SPTLC3: variants seen among roughly 807,000 people sequenced by gnomAD.
SPTLC3 encodes serine palmitoyltransferase long chain base subunit 3.
Under a neutral mutation model 59.3 loss-of-function variants are expected in SPTLC3, and 36 were observed. The observed-to-expected ratio is 0.61, with a 90% confidence interval of 0.47 to 0.80. The LOEUF is 0.80. Among genes scored for constraint, SPTLC3 ranks in the 30% least tolerant of loss-of-function variants. SPTLC3 has a pLI of 0.00. For synonymous variants in SPTLC3, 257 were observed against 240.8 expected, an observed-to-expected ratio of 1.07 and a Z score of -0.62; for missense variants, 625 against 685.1, an observed-to-expected ratio of 0.91 and a Z score of 0.98.
chr20:13,140,888 A>G (rs1486973409), intron 9 of SPTLC3, among the ~76,000 whole-genome samples: 3 of 152,228 alleles, frequency 2.0e-5, no homozygotes, highest in Non-Finnish European at 2.9e-5. Context: ...TACTCTGATT[A>G]TTTGTGAAAT....
At chr20:13,025,127 C>T (rs183750596) in intron 1 of SPTLC3, among the ~76,000 whole-genome samples, 118 of 152,262 alleles carry the variant, frequency 7.7e-4, no homozygotes, top group Admixed American at 1.8e-3. Flanking sequence ...CAGATCACCA[C>T]GTCAGAGAAA....
chr20:13,140,660 A>G (rs1407794602), intron 9 of SPTLC3, among the ~76,000 whole-genome samples: 1 of 152,208 alleles, frequency 6.6e-6, no homozygotes, highest in Non-Finnish European at 1.5e-5. Context: ...AAACAGCTCT[A>G]AAGCTTAAAT....
intron 2 of SPTLC3, among the ~76,000 whole-genome samples, chr20:13,059,819 C>T (rs925231547): frequency 1.3e-5 from 2 of 152,156 alleles, no homozygotes; most frequent in Non-Finnish European, 2.9e-5. Flanking sequence ...TTCAGGTTCT[C>T]TTTTCCTTTC....
intron 1 of SPTLC3, among the ~76,000 whole-genome samples, chr20:13,025,676 C>G (rs1320759354): frequency 6.6e-6 from 1 of 152,162 alleles, no homozygotes; most frequent in Non-Finnish European, 1.5e-5. Flanking sequence ...TTTGGTGAAA[C>G]AGTGCCAGAA....
intron 4 of SPTLC3, among the ~76,000 whole-genome samples, chr20:13,089,180 C>G (rs575404632): frequency 1.6e-4 from 25 of 152,168 alleles, no homozygotes; most frequent in Non-Finnish European, 3.5e-4. Context: ...CTATGTTGAT[C>G]CTTAGGCAGA....
intron 9 of SPTLC3, 140 bp downstream of exon 9, chr20:13,126,857 C>T: frequency 8.2e-7 from 1 of 1,214,378 alleles, no homozygotes; most frequent in South Asian, 1.7e-5. Flanking sequence ...ATGCACAAAA[C>T]TGCCGTTAGC....
chr20:13,057,986 A>G (rs527943154), intron 2 of SPTLC3, among the ~76,000 whole-genome samples: 2 of 152,346 alleles, frequency 1.3e-5, no homozygotes, highest in East Asian at 1.9e-4. Context: ...TATGGTCCCA[A>G]TATCAAACAA....
At chr20:13,159,227 A>G (rs2038841610) in intron 10 of SPTLC3, among the ~76,000 whole-genome samples, 2 of 152,242 alleles carry the variant, frequency 1.3e-5, no homozygotes, top group African/African-American at 4.8e-5. Flanking sequence ...TTTACTCTGC[A>G]TCAGACCGCT....
chr20:13,072,081 A>G (rs1988460126), intron 2 of SPTLC3, among the ~76,000 whole-genome samples, 175 bp from the exon 3 acceptor site: 2 of 152,062 alleles, frequency 1.3e-5, no homozygotes, highest in African/African-American at 2.4e-5. Context: ...CCCCCACTAA[A>G]AGGCATGTTC....
At chr20:13,143,168 A>G (rs914335917) in intron 9 of SPTLC3, among the ~76,000 whole-genome samples, 2 of 152,216 alleles carry the variant, frequency 1.3e-5, no homozygotes, top group East Asian at 3.9e-4. Context: ...TTGGGCACCA[A>G]AAAGACCAAG....
intron 1 of SPTLC3, among the ~76,000 whole-genome samples, chr20:13,026,518 G>A (rs1986152977): frequency 6.6e-6 from 1 of 152,130 alleles, no homozygotes; most frequent in African/African-American, 2.4e-5. Context: ...CCACGTGTAT[G>A]TCTTCTTTTG....
At chr20:13,142,987 T>C (rs1205010141) in intron 9 of SPTLC3, among the ~76,000 whole-genome samples, 1 of 152,214 alleles carries the variant, frequency 6.6e-6, no homozygotes, top group Non-Finnish European at 1.5e-5. Context: ...GCTCTCTTAA[T>C]TAGGACTTCA....
intron 1 of SPTLC3, among the ~76,000 whole-genome samples, chr20:13,020,747 A>C (rs906411049): frequency 3.3e-5 from 5 of 152,144 alleles, no homozygotes; most frequent in Non-Finnish European, 5.9e-5. Flanking sequence ...AAAGACCACT[A>C]GCTTTGATAT....
chr20:13,073,874 C>A (rs1988538113), intron 3 of SPTLC3: 8 of 536,262 alleles, frequency 1.5e-5, no homozygotes, highest in South Asian at 9.8e-5. Context: ...TTAATAAATT[C>A]TTTATAGGAC....
At chr20:13,066,203 C>T (rs936068165) in intron 2 of SPTLC3, among the ~76,000 whole-genome samples, 1 of 63,864 alleles carries the variant, frequency 1.6e-5, no homozygotes, top group Admixed American at 1.5e-4. Context: ...TCAGGTCTTA[C>T]ATTTAAGTAT....
chr20:13,125,864 CT>C (rs1190113871), intron 8 of SPTLC3, among the ~76,000 whole-genome samples: 1 of 152,238 alleles, frequency 6.6e-6, no homozygotes, highest in African/African-American at 2.4e-5. Flanking sequence ...ATTAATCCGC[CT>C]TTTGATGGAA....
At chr20:13,161,973 T>C (rs1358092244) in intron 11 of SPTLC3, among the ~76,000 whole-genome samples, 1 of 152,216 alleles carries the variant, frequency 6.6e-6, no homozygotes, top group African/African-American at 2.4e-5. Context: ...GATTTTGAGA[T>C]GAGTGAACTT....
intron 1 of SPTLC3, among the ~76,000 whole-genome samples, chr20:13,033,683 G>A (rs757763346): frequency 6.6e-6 from 1 of 152,070 alleles, no homozygotes; most frequent in Non-Finnish European, 1.5e-5. Context: ...GATAATAAGA[G>A]ATAATGGAAG....
rs2039005232 is a variant in SPTLC3, at chr20:13,167,997, C to G, written c.*3130C>G. On this transcript the variant is annotated 3_prime_UTR_variant, in exon 12 of 12. Coordinates refer to ENST00000399002, the MANE Select transcript of SPTLC3 (RefSeq NM_018327.4). ...ATTAATTTATTCCACAGTCAACCTT[C>G]TCTTCTCATTGGGACATTTTGTTCC... The G allele has an allele frequency of 6.6e-6, 1 of 152,182 alleles. No individual in the cohort carries two copies. Among genetic ancestry groups the G allele is most frequent in the Non-Finnish European group, 1.5e-5 (1 of 68,044 alleles). 9.4% of individuals were successfully genotyped at this position (152,182 alleles called of 1,614,324 possible).
Sources: allele counts gnomAD v4.1 joint callset (sites outside exome capture counted in the v4.1 genomes callset), GRCh38; gene constraint gnomAD v4.1.1; transcripts MANE v1.5; gene names NCBI Gene and HGNC (gene_info 2026-07-23, HGNC 2026-07-21).